NCAPD3: variants seen among roughly 807,000 people sequenced by gnomAD.
NCAPD3 encodes the protein non-SMC condensin II complex subunit D3, also known as condensin-2 complex subunit D3.
A neutral mutation model predicts 182.9 loss-of-function variants in NCAPD3; 105 were observed. That is an observed-to-expected ratio of 0.57 (90% CI 0.49 to 0.68). The LOEUF (loss-of-function observed/expected upper bound fraction) is 0.68, where lower values mean the gene tolerates loss of function less well. NCAPD3 is among the 30% of genes least tolerant of loss of function. The probability of loss-of-function intolerance (pLI) is 0.00; values close to 1 mark genes in which losing one functional copy is unlikely to be tolerated. For synonymous variants in NCAPD3, 815 were observed against 679.9 expected (o/e 1.20, Z -3.09); for missense variants, 1,944 against 1,837.0 (o/e 1.06, Z -1.07).
At chr11:134,188,249 G>C (rs148004813) in intron 16 of NCAPD3, among the ~76,000 whole-genome samples, 2 of 151,062 alleles carry the variant, frequency 1.3e-5, no homozygotes, top group East Asian at 3.9e-4. Context: ...TCTAGCTAAA[G>C]GATTGTAAAT....
intron 13 of NCAPD3, among the ~76,000 whole-genome samples, chr11:134,198,362 T>G (rs1944680063): frequency 6.9e-6 from 1 of 145,490 alleles, no homozygotes; most frequent in African/African-American, 2.6e-5. Context: ...AAATTTAAAA[T>G]CTACCTATAA....
chr11:134,220,249 G>A (rs1591868813), intron 2 of NCAPD3, among the ~76,000 whole-genome samples: 1 of 148,496 alleles, frequency 6.7e-6, no homozygotes, highest in Non-Finnish European at 1.5e-5. Flanking sequence ...TCAAACTCCT[G>A]AGCTCAAGCA....
At chr11:134,167,521 G>C (rs1943878307) in intron 27 of NCAPD3, among the ~76,000 whole-genome samples, 1 of 142,754 alleles carries the variant, frequency 7.0e-6, no homozygotes, top group African/African-American at 2.6e-5. Context: ...GAGCTCAGGG[G>C]AGCTGCACAC....
intron 11 of NCAPD3, 70 bp from the exon 12 acceptor site, chr11:134,203,268 T>C (rs1944787095): frequency 2.7e-6 from 3 of 1,128,716 alleles, no homozygotes; most frequent in Non-Finnish European, 4.0e-6. Context: ...CACGGAGGAA[T>C]CAAAATCAAG....
intron 3 of NCAPD3, among the ~76,000 whole-genome samples, chr11:134,211,725 A>C (rs1486967183): frequency 6.6e-6 from 1 of 152,168 alleles, no homozygotes; most frequent in African/African-American, 2.4e-5. Context: ...AAGCAAACAG[A>C]ACTTCCTTGA....
chr11:134,178,799 G>C lies in NCAPD3; in HGVS notation c.2674+23C>G, dbSNP rs768530082. The C allele has an allele frequency of 3.1e-6, 5 of 1,612,812 alleles. No homozygotes were observed. In the South Asian group the frequency reaches 5.5e-5, roughly 18 times the overall value. On this transcript the variant is annotated intron_variant, in intron 21 of 34. Transcript: ENST00000534548. ...ACCTTGAAACGGCATGCGTGCTACA[G>C]AGTATGATTTCAAATGCCTTACAGT...
chr11:134,212,222 G>A (rs985263631), intron 3 of NCAPD3, among the ~76,000 whole-genome samples: 11 of 152,130 alleles, frequency 7.2e-5, no homozygotes, highest in African/African-American at 2.7e-4. Context: ...GAAAATTATA[G>A]GAGATTAATC....
chr11:134,215,745 A>G (rs1045830038), intron 3 of NCAPD3, among the ~76,000 whole-genome samples: 9 of 152,238 alleles, frequency 5.9e-5, no homozygotes, highest in Admixed American at 2.0e-4. Flanking sequence ...TTTCAATGCA[A>G]TCCCTGTCAA....
At chr11:134,155,921 G>A (rs1270826505) in intron 32 of NCAPD3, among the ~76,000 whole-genome samples, 1 of 152,174 alleles carries the variant, frequency 6.6e-6, no homozygotes, top group African/African-American at 2.4e-5. Context: ...CCTCTAACCT[G>A]TTAACTATTC....
At chr11:134,188,021 C>T (rs542868547) in intron 16 of NCAPD3, among the ~76,000 whole-genome samples, 9 of 152,270 alleles carry the variant, frequency 5.9e-5, no homozygotes, top group Admixed American at 2.6e-4. Context: ...CGGCCCTAAC[C>T]CAAGCTCAAG....
chr11:134,197,373 T>C (rs1450538130), intron 13 of NCAPD3, among the ~76,000 whole-genome samples: 1 of 149,104 alleles, frequency 6.7e-6, no homozygotes, highest in African/African-American at 2.5e-5. Context: ...ACCTCCCAGG[T>C]TCAAGTGATT....
intron 3 of NCAPD3, 107 bp downstream of exon 3, chr11:134,216,829 A>G: frequency 8.7e-7 from 1 of 1,153,418 alleles, no homozygotes; most frequent in Non-Finnish European, 1.2e-6. Context: ...ATGGGTTAGC[A>G]CTGCCCCATT....
chr11:134,177,417 G>A lies in NCAPD3; in HGVS notation c.2823C>T (p.Ser941=). The change falls in exon 23 of 35, where the codon AGC becomes AGT. Residue 941 remains serine, a synonymous_variant. Coordinates refer to ENST00000534548, the MANE Select transcript of NCAPD3 (RefSeq NM_015261.3). ...CGAGCTCTCGCACCAGGGCTGGGAT[G>A]CTCTTCTTTGCCAGATCCTCGTGCT... is the stretch of plus-strand genomic sequence containing the variant. ...CLQHEDLAKK[S]IPALVRELEV... 5.6e-6 allele frequency: 9 copies of A among 1,614,154 alleles called. No individual in the cohort carries two copies. Among genetic ancestry groups the A allele is most frequent in the Non-Finnish European group, 7.6e-6 (9 of 1,179,994 alleles).
intron 18 of NCAPD3, 54 bp from the exon 19 acceptor site, chr11:134,184,806 TATATACAC>T (rs2135985395): frequency 1.9e-6 from 2 of 1,068,184 alleles, no homozygotes; most frequent in Non-Finnish European, 2.7e-6. Flanking sequence ...TATTCAGGTA[TATATACAC>T]ACACACACAC....
intron 24 of NCAPD3, 128 bp downstream of exon 24, chr11:134,176,179 T>C (rs1944159011): frequency 2.8e-6 from 2 of 725,460 alleles, no homozygotes; most frequent in Admixed American, 5.8e-5. Flanking sequence ...TCTGCTAATT[T>C]TCCTGGCACC....
At chr11:134,206,237 A>G (rs1937611348) in intron 8 of NCAPD3, among the ~76,000 whole-genome samples, 1 of 152,230 alleles carries the variant, frequency 6.6e-6, no homozygotes, top group Non-Finnish European at 1.5e-5. Flanking sequence ...AAAGAGCTGC[A>G]AAGTAGAGAG....
Position 134,176,803 on chromosome 11 carries a change from C to T in NCAPD3, c.3021+416G>A, listed in dbSNP as rs142623723. On this transcript the variant is annotated intron_variant, in intron 23 of 34. Coordinates refer to ENST00000534548, the MANE Select transcript of NCAPD3 (RefSeq NM_015261.3). ...ATAGTTCACTAGGTTTTTCCGCACA[C>T]GGAAACGTCCCACTGGACTTGCAGA... is the stretch of plus-strand genomic sequence containing the variant. Among the ~76,000 whole-genome samples, 643 of 152,294 alleles carry T rather than the reference C, an allele frequency of 4.2e-3. 4 individuals carry two copies. The highest frequency in any genetic ancestry group is 0.015 in the African/African-American group (615 of 41,564).
At chr11:134,194,597 A>C (rs1944587797) in intron 14 of NCAPD3, 68 bp downstream of exon 14, 3 of 1,187,426 alleles carry the variant, frequency 2.5e-6, no homozygotes, top group Middle Eastern at 2.0e-4. Flanking sequence ...TAAGAGTTTA[A>C]AAAATATTCC....
At chr11:134,217,875 G>C (rs530904119) in intron 2 of NCAPD3, among the ~76,000 whole-genome samples, 35 of 152,250 alleles carry the variant, frequency 2.3e-4, no homozygotes, top group Non-Finnish European at 4.9e-4. Context: ...AGGGCAGGAG[G>C]ACTGCTTGAG....
Sources: gnomAD v4.1 joint callset for allele counts (sites outside exome capture counted in the v4.1 genomes callset) on GRCh38, gnomAD v4.1.1 for gene constraint, MANE v1.5 for transcripts, NCBI Gene and HGNC (gene_info 2026-07-23, HGNC 2026-07-21) for gene names.